The following F5 variants were observed in gnomAD, a reference collection of about 807,000 sequenced individuals.
F5 encodes activated protein c cofactor.
Under a neutral mutation model 216.4 loss-of-function variants are expected in F5, and 138 were observed. The ratio of observed to expected loss-of-function variants is 0.64; its 90% CI spans 0.56 to 0.73. The LOEUF is 0.73. F5 is among the 30% of genes least tolerant of loss of function. The pLI, the probability that F5 is intolerant of heterozygous loss-of-function variation, is 0.00. For synonymous variants in F5, 916 were observed against 930.7 expected (o/e 0.98, Z 0.29); for missense variants, 2,403 against 2,674.0 (o/e 0.90, Z 2.24).
intron 2 of F5, among the ~76,000 whole-genome samples, chr1:169,573,561 C>A (rs9332515): frequency 0.03 from 4,576 of 152,196 alleles, 226 homozygotes; most frequent in African/African-American, 0.1. Context: ...TCAAGGATGA[C>A]CTCAAGGTGT....
intron 16 of F5, 25 bp downstream of exon 16, chr1:169,529,583 T>C: frequency 6.3e-7 from 1 of 1,591,366 alleles, no homozygotes; most frequent in Non-Finnish European, 8.6e-7. Context: ...AATTAGGAGA[T>C]TAGATCAAAG....
At chr1:169,525,094 T>C (rs1201566970) in intron 18 of F5, among the ~76,000 whole-genome samples, 186 bp from the exon 19 acceptor site, 1 of 152,218 alleles carries the variant, frequency 6.6e-6, no homozygotes, top group Admixed American at 6.5e-5. Context: ...GGTGCTTTAA[T>C]AGATATAGTG....
Position 169,541,314 on chromosome 1 carries a change from G to T in F5, c.3776C>A (p.Ser1259Tyr), listed in dbSNP as rs150104888. 4.0e-4 allele frequency: 629 copies of T among 1,575,242 alleles called. 2 individuals are homozygous for T. The African/African-American group carries it at 7.8e-3, about 20-fold the overall frequency. Residue 1259 changes from serine (S) to tyrosine (Y), a missense_variant, in exon 13 of 25, where the codon TCT becomes TAT. Physicochemically the swap from Ser to Tyr is moderately radical, Grantham distance 144. Coordinates refer to ENST00000367797, the MANE Select transcript of F5 (RefSeq NM_000130.5). ...AAGGTTTGTCTGACTGAGTTCTGGA[G>T]AGAGGTTTGTCTGGCTGAGGTCTAA... ...LSLDLSQTNL[S>Y]PELSQTNLSP...
intron 2 of F5, among the ~76,000 whole-genome samples, chr1:169,573,980 A>G (rs1660786003): frequency 6.6e-6 from 1 of 152,192 alleles, no homozygotes. Context: ...AATATTCAAA[A>G]AACAACAATA....
chr1:169,573,368 A>G (rs9332518), intron 2 of F5, among the ~76,000 whole-genome samples: 4,591 of 152,294 alleles, frequency 0.03, 229 homozygotes, highest in African/African-American at 0.1. Context: ...CTGTGTAGAG[A>G]ATAGTCTGTG....
At chr1:169,536,834 C>T (rs532079337) in intron 13 of F5, among the ~76,000 whole-genome samples, 154 bp from the exon 14 acceptor site, 17 of 152,022 alleles carry the variant, frequency 1.1e-4, no homozygotes, top group Non-Finnish European at 2.2e-4. Flanking sequence ...TGGATAAAAA[C>T]AAAAGCCAGT....
intron 17 of F5, 84 bp downstream of exon 17, chr1:169,527,831 A>G (rs758233810): frequency 6.5e-7 from 1 of 1,538,060 alleles, no homozygotes; most frequent in Non-Finnish European, 8.9e-7. Context: ...AAGTATATGC[A>G]CAAGGAAGAA....
chr1:169,578,025 AG>A (rs1033019519), intron 2 of F5, among the ~76,000 whole-genome samples: 3 of 152,152 alleles, frequency 2.0e-5, no homozygotes, highest in South Asian at 2.1e-4. Context: ...GGGGAATGGG[AG>A]AGGCCACATA....
intron 3 of F5, among the ~76,000 whole-genome samples, chr1:169,563,659 C>A (rs1399385339): frequency 6.6e-6 from 1 of 151,506 alleles, no homozygotes; most frequent in African/African-American, 2.4e-5. Flanking sequence ...TTTTTTTATC[C>A]TTTATTTTTT....
At chr1:169,548,724 A>G (rs1660075646) in intron 10 of F5, among the ~76,000 whole-genome samples, 1 of 151,636 alleles carries the variant, frequency 6.6e-6, no homozygotes, top group African/African-American at 2.4e-5. Flanking sequence ...CAAAAATTAC[A>G]TGGGGGTGGT....
chr1:169,572,196 C>T (rs1464206737), intron 3 of F5, 25 bp downstream of exon 3: 2 of 1,606,868 alleles, frequency 1.2e-6, no homozygotes, highest in East Asian at 4.5e-5. Context: ...TTTCCCTTTT[C>T]AGAAAAATAT....
chr1:169,523,424 C>A, intron 20 of F5, 72 bp from the exon 21 acceptor site: 1 of 1,563,054 alleles, frequency 6.4e-7, no homozygotes. Context: ...ATTCATTATA[C>A]AATCAGCTTT....
chr1:169,577,795 C>T (rs771608056), intron 2 of F5, among the ~76,000 whole-genome samples: 1 of 151,594 alleles, frequency 6.6e-6, no homozygotes, highest in Non-Finnish European at 1.5e-5. Flanking sequence ...CCCAGCTGTA[C>T]TCCCTCACCT....
At chr1:169,579,040 C>T (rs1361940322) in intron 2 of F5, among the ~76,000 whole-genome samples, 1 of 146,596 alleles carries the variant, frequency 6.8e-6, no homozygotes. Context: ...CTCCTCAGTA[C>T]CCACCCCCAC....
chr1:169,558,692 A>G (rs1448792506), intron 5 of F5, among the ~76,000 whole-genome samples: 1 of 152,190 alleles, frequency 6.6e-6, no homozygotes, highest in East Asian at 1.9e-4. Context: ...GAAAGAGAAA[A>G]TATTCTAGAT....
rs773959259 is a variant in F5, at chr1:169,514,405, G to A, written c.6583C>T (p.Pro2195Ser). Reference protein sequence around the residue: ...KGHVKNFFNPPIISRFIRVIP... With the variant: ...KGHVKNFFNPSIISRFIRVIP... ...ACACGGATAAACCTGGAAATGATTG[G>A]GGGGTTGAAAAAGTTCTTCACATGT... The change falls in exon 25 of 25, where the codon CCA becomes TCA. Residue 2195 changes from proline (P) to serine (S), a missense_variant. Pro to Ser is a moderately conservative substitution (Grantham distance 74). Around this residue, in one of 4 missense-constraint regions of F5, gnomAD observed 659 missense variants for 787.9 expected, o/e 0.84. Transcript: ENST00000367797. The A allele has an allele frequency of 6.2e-7, 1 of 1,613,298 alleles. No homozygotes were observed. Among genetic ancestry groups the A allele is most frequent in the South Asian group, 1.1e-5 (1 of 91,066 alleles).
At chr1:169,538,122 T>C (rs935522554) in intron 13 of F5, among the ~76,000 whole-genome samples, 7 of 152,052 alleles carry the variant, frequency 4.6e-5, no homozygotes, top group African/African-American at 1.2e-4. Context: ...GTGATCTACA[T>C]AAACAATGAA....
chr1:169,513,596 T>C lies in F5; in HGVS notation c.*717A>G, dbSNP rs189357543. Among the ~76,000 whole-genome samples the C allele has an allele frequency of 6.6e-6, 1 of 152,258 alleles. No homozygotes were observed. Among genetic ancestry groups the C allele is most frequent in the African/African-American group, 2.4e-5 (1 of 41,566 alleles). On this transcript the variant is annotated 3_prime_UTR_variant, in exon 25 of 25. Transcript: ENST00000367797. The stretch of plus-strand genomic sequence containing the variant: ...CTGAGCTTTCCAGTAGGTGAAATTA[T>C]GTTTTGAAACTGTGTGCCATGTAGT...
At chr1:169,577,560 AATATATATATAT>A (rs3035292) in intron 2 of F5, among the ~76,000 whole-genome samples, 4,160 of 54,408 alleles carry the variant, frequency 0.076, 236 homozygotes, top group Admixed American at 0.12. Context: ...GGCTAATTTA[AATATATATATAT>A]ATATATATAT....
Sources: allele counts gnomAD v4.1 joint callset (sites outside exome capture counted in the v4.1 genomes callset), GRCh38; gene constraint gnomAD v4.1.1; regional missense constraint gnomAD v4.1.1; transcripts MANE v1.5; gene names NCBI Gene and HGNC (gene_info 2026-07-23, HGNC 2026-07-21).